Variants in ELMO1 observed in about 807,000 individuals in gnomAD.
ELMO1 encodes engulfment and cell motility 1.
A neutral mutation model predicts 98.9 loss-of-function variants in ELMO1; 26 were observed. The observed-to-expected ratio is 0.26, with a 90% CI of 0.19 to 0.36. The LOEUF (loss-of-function observed/expected upper bound fraction) is 0.36, where lower values mean the gene tolerates loss of function less well. Among genes scored for constraint, ELMO1 ranks in the 10% least tolerant of loss-of-function variants. ELMO1 has a pLI of 1.00. For missense variants in ELMO1, 627 were observed against 935.2 expected (o/e 0.67, Z 4.30); for synonymous variants, 346 against 346.0 (o/e 1.00, Z 0.00).
chr7:36,881,580 A>C (rs2080367), intron 18 of ELMO1, among the ~76,000 whole-genome samples: 69,655 of 151,994 alleles, frequency 0.46, 17,442 homozygotes, highest in Non-Finnish European at 0.57. Flanking sequence ...TACTAATGAG[A>C]GTACGTTAAT....
At chr7:37,178,224 A>T (rs550524618) in intron 13 of ELMO1, among the ~76,000 whole-genome samples, 37 of 152,210 alleles carry the variant, frequency 2.4e-4, no homozygotes, top group Non-Finnish European at 3.8e-4. Flanking sequence ...TCATGGCGGA[A>T]GGTCAAAGGC....
At chr7:37,202,736 C>T (rs1282800056) in intron 13 of ELMO1, among the ~76,000 whole-genome samples, 2 of 152,152 alleles carry the variant, frequency 1.3e-5, no homozygotes, top group Admixed American at 6.5e-5. Context: ...ATACTTCCCT[C>T]AGGTGGCCAT....
intron 13 of ELMO1, among the ~76,000 whole-genome samples, chr7:37,159,219 T>C (rs1789021821): frequency 6.6e-6 from 1 of 152,120 alleles, no homozygotes; most frequent in South Asian, 2.1e-4. Context: ...AGTTGATGGG[T>C]GCAGCAAACA....
chr7:36,862,420 C>A lies in ELMO1; in HGVS notation c.1906-684G>T, dbSNP rs75591913. Among the ~76,000 whole-genome samples the A allele has an allele frequency of 5.7e-3, 864 of 152,314 alleles. 7 individuals carry two copies. The highest frequency in any genetic ancestry group is 0.02 in the African/African-American group (824 of 41,572). On this transcript the variant is annotated intron_variant, in intron 20 of 21. Coordinates refer to ENST00000310758, the MANE Select transcript of ELMO1 (RefSeq NM_014800.11). ...CATTGGTGAAAACCTACGGAGTGCA[C>A]GCAATGAGCCAGGCCCAGAAGTCTA... is the stretch of plus-strand genomic sequence containing the variant.
At chr7:37,362,018 G>C (rs1583626211) in intron 1 of ELMO1, among the ~76,000 whole-genome samples, 1 of 152,142 alleles carries the variant, frequency 6.6e-6, no homozygotes, top group African/African-American at 2.4e-5. Flanking sequence ...GAGTCTGCAA[G>C]GGGGCACAAG....
chr7:36,868,326 GCTTCTTCTT>G (rs201784212), intron 20 of ELMO1, among the ~76,000 whole-genome samples: 2 of 138,002 alleles, frequency 1.4e-5, no homozygotes, highest in African/African-American at 2.8e-5. Context: ...GCTTTGTTCT[GCTTCTTCTT>G]CTTCTTCTTC....
At chr7:37,133,068 T>G in intron 14 of ELMO1, 62 bp downstream of exon 14, 13 of 1,339,642 alleles carry the variant, frequency 9.7e-6, no homozygotes, top group East Asian at 2.5e-5. Context: ...TCCGTATTTG[T>G]GAGTTTGAAA....
chr7:37,324,227 A>G (rs1036793509), intron 2 of ELMO1, among the ~76,000 whole-genome samples: 2 of 152,112 alleles, frequency 1.3e-5, no homozygotes, highest in African/African-American at 2.4e-5. Context: ...CTCACCTTGG[A>G]GAGCTCAAGT....
chr7:37,314,649 A>ATATT (rs1799060344), intron 4 of ELMO1, among the ~76,000 whole-genome samples: 1 of 152,194 alleles, frequency 6.6e-6, no homozygotes, highest in Non-Finnish European at 1.5e-5. Flanking sequence ...GACACGAAAC[A>ATATT]TATTTGGTCT....
At chr7:37,439,870 T>C (rs1326471109) in intron 1 of ELMO1, among the ~76,000 whole-genome samples, 1 of 152,140 alleles carries the variant, frequency 6.6e-6, no homozygotes, top group Non-Finnish European at 1.5e-5. Context: ...TAATTTCATG[T>C]GATTTGTGCT....
intron 16 of ELMO1, among the ~76,000 whole-genome samples, chr7:36,960,800 G>A (rs1157441655): frequency 6.6e-6 from 1 of 152,134 alleles, no homozygotes; most frequent in Non-Finnish European, 1.5e-5. Context: ...CTTTGATGAA[G>A]ATCAGTGTTA....
At chr7:36,992,315 A>G (rs925184016) in intron 16 of ELMO1, among the ~76,000 whole-genome samples, 8 of 152,194 alleles carry the variant, frequency 5.3e-5, no homozygotes, top group African/African-American at 1.7e-4. Context: ...AGACCTAATA[A>G]GTGAATGGGC....
intron 13 of ELMO1, among the ~76,000 whole-genome samples, chr7:37,151,851 C>T (rs1788385286): frequency 6.6e-6 from 1 of 152,094 alleles, no homozygotes; most frequent in African/African-American, 2.4e-5. Context: ...TTTCCACTCT[C>T]TTTCTCTGTC....
intron 16 of ELMO1, among the ~76,000 whole-genome samples, chr7:36,970,173 T>C (rs1421078798): frequency 7.6e-6 from 1 of 132,230 alleles, no homozygotes; most frequent in Non-Finnish European, 1.6e-5. Flanking sequence ...AATACATTCA[T>C]ACACTTAACA....
intron 16 of ELMO1, among the ~76,000 whole-genome samples, chr7:36,913,928 C>T (rs1479888279): frequency 6.6e-6 from 1 of 152,112 alleles, no homozygotes; most frequent in Non-Finnish European, 1.5e-5. Flanking sequence ...ACTCCATGTC[C>T]CATTTAAAGC....
At chr7:36,896,743 G>C (rs1240532418) in intron 16 of ELMO1, among the ~76,000 whole-genome samples, 4 of 151,976 alleles carry the variant, frequency 2.6e-5, no homozygotes, top group Admixed American at 6.6e-5. Flanking sequence ...TGGAAATTGT[G>C]ATCATCTTAC....
intron 16 of ELMO1, among the ~76,000 whole-genome samples, chr7:36,932,654 G>A (rs1349514706): frequency 6.6e-6 from 1 of 152,182 alleles, no homozygotes; most frequent in Non-Finnish European, 1.5e-5. Flanking sequence ...AGGCTGAGAG[G>A]ATCAGAGAGG....
intron 14 of ELMO1, among the ~76,000 whole-genome samples, chr7:37,110,388 C>G (rs900701721): frequency 1.3e-5 from 2 of 152,158 alleles, no homozygotes; most frequent in African/African-American, 4.8e-5. Flanking sequence ...CACATCTGCA[C>G]CTGACTGGAG....
At chr7:37,447,714 C>CCACCCACACACA (rs1323474343) in intron 1 of ELMO1, among the ~76,000 whole-genome samples, 1 of 132,140 alleles carries the variant, frequency 7.6e-6, no homozygotes, top group African/African-American at 3.1e-5. Context: ...CGCGCACACA[C>CCACCCACACACA]CACACACACA....
Sources: gnomAD v4.1 joint callset for allele counts (sites outside exome capture counted in the v4.1 genomes callset) on GRCh38, gnomAD v4.1.1 for gene constraint, MANE v1.5 for transcripts, NCBI Gene and HGNC (gene_info 2026-07-23, HGNC 2026-07-21) for gene names.